Variants in MROH2A observed in about 807,000 individuals in gnomAD.
The protein encoded by MROH2A is maestro heat like repeat family member 2A.
A neutral mutation model predicts 200.4 loss-of-function variants in MROH2A; 174 were observed. The ratio of observed to expected loss-of-function variants is 0.87; its 90% CI spans 0.77 to 0.98. The LOEUF (loss-of-function observed/expected upper bound fraction) is 0.98, where lower values mean the gene tolerates loss of function less well. Among genes scored for constraint, MROH2A ranks in the 50% least tolerant of loss-of-function variants. The pLI is 0.00. For synonymous variants in MROH2A, 829 were observed against 840.4 expected, an observed-to-expected ratio of 0.99 and a Z score of 0.23; for missense variants, 2,045 against 2,139.6, an observed-to-expected ratio of 0.96 and a Z score of 0.87.
At chr2:233,800,079 A>G in intron 13 of MROH2A, 126 bp from the exon 14 acceptor site, 1 of 1,063,028 alleles carries the variant, frequency 9.4e-7, no homozygotes, top group Non-Finnish European at 1.4e-6. Flanking sequence ...ATATATGCAC[A>G]GCTCTGAGCA....
intron 18 of MROH2A, 58 bp downstream of exon 18, chr2:233,804,605 G>T (rs1474522362): frequency 2.0e-6 from 3 of 1,497,924 alleles, no homozygotes; most frequent in Non-Finnish European, 2.7e-6. Flanking sequence ...GGAGCAGATG[G>T]AAAGGCATTT....
chr2:233,783,504 T>C (rs946238657), intron 3 of MROH2A, among the ~76,000 whole-genome samples: 1 of 152,150 alleles, frequency 6.6e-6, no homozygotes, highest in Non-Finnish European at 1.5e-5. Flanking sequence ...TTTGTTGGCA[T>C]GTAGTTGTTT....
At position 233,823,664 on chromosome 2, in the gene MROH2A, C is replaced by T. The variant is rs528474739; in HGVS notation, c.4113C>T (p.Cys1371=). The part of the protein sequence containing the change: ...LSCRISSTAV[C]FMSGPVLYQE... ...GCCGCATCAGCAGCACAGCGGTCTGCGTGGAAATGAGGCACCGGGTGTGGG... is the reference window on the plus strand; with the variant it reads ...GCCGCATCAGCAGCACAGCGGTCTGTGTGGAAATGAGGCACCGGGTGTGGG... Residue 1371 remains cysteine (C), a splice_region_variant and synonymous_variant, in exon 35 of 42, where the codon TGC becomes TGT. Transcript: ENST00000389758. 74 of 1,549,704 alleles carry T rather than the reference C, an allele frequency of 4.8e-5. 1 individual carries two copies. The Middle Eastern group carries it at 6.7e-4, about 14-fold the overall frequency.
chr2:233,810,899 C>G lies in MROH2A; in HGVS notation c.2554C>G (p.Leu852Val). The stretch of plus-strand genomic sequence containing the variant: ...CTTTCACTTTGCCCAGAAGACGACT[C>G]TTACCAGCATTATAGTGGTAAGCTG... ...EDFHFAQKTT[L>V]TSIIVAVIKA... Residue 852 changes from leucine to valine, a missense_variant, in exon 23 of 42, where the codon CTT (leucine) becomes GTT (valine). This residue lies in a region of MROH2A where 1,201 missense variants were observed against 1,311.3 expected (regional missense o/e 0.92). Coordinates refer to ENST00000389758, the MANE Select transcript of MROH2A (RefSeq NM_001394639.1). 6.5e-7 allele frequency: 1 copy of G among 1,550,308 alleles called. No individual in the cohort carries two copies. Among genetic ancestry groups the G allele is most frequent in the Non-Finnish European group, 8.7e-7 (1 of 1,146,782 alleles).
chr2:233,812,020 C>G, intron 24 of MROH2A, 61 bp downstream of exon 24: 1 of 1,138,452 alleles, frequency 8.8e-7, no homozygotes, highest in Non-Finnish European at 1.3e-6. Context: ...AAGACCATTC[C>G]TCGGTGCTCC....
chr2:233,786,061 G>A (rs984373015), intron 3 of MROH2A, among the ~76,000 whole-genome samples: 1 of 152,058 alleles, frequency 6.6e-6, no homozygotes, highest in African/African-American at 2.4e-5. Flanking sequence ...TGTTCTCATA[G>A]TAGTGAATAA....
chr2:233,829,184 G>A (rs1261633587), intron 37 of MROH2A, 112 bp downstream of exon 37: 2 of 1,051,302 alleles, frequency 1.9e-6, no homozygotes, highest in Admixed American at 6.1e-5. Context: ...CCTGCTGGGT[G>A]TCAGTTTAGC....
In MROH2A at chr2:233,803,342, A is replaced by G. The variant is rs1702589802; in HGVS notation, c.1709-106A>G. The G allele has an allele frequency of 9.0e-6, 11 of 1,215,836 alleles. No homozygotes were observed. In the Admixed American group the frequency reaches 1.3e-4, roughly 14 times the overall value. The allele number at this position is 1,215,836 out of a possible 1,614,324, so 75.3% of individuals were successfully genotyped here. A position where few individuals can be genotyped will look rare whatever the true frequency, so the allele number is the denominator to read the frequency against. On this transcript the variant is annotated intron_variant, in intron 15 of 41. Transcript: ENST00000389758. ...TTCTGGGGGTTTGGGGAACAAGATC[A>G]TGTTGGGGAGGAACCTTCTAGGGTA...
chr2:233,787,682 C>T (rs1481778382), intron 3 of MROH2A, among the ~76,000 whole-genome samples: 3 of 42,974 alleles, frequency 7.0e-5, no homozygotes, highest in African/African-American at 1.2e-4. Flanking sequence ...ATTATATATA[C>T]ATATATATTA....
Position 233,792,904 on chromosome 2 carries a change from C to G in MROH2A, c.670+10C>G. On this transcript the variant is annotated intron_variant, in intron 6 of 41. Coordinates refer to ENST00000389758, the MANE Select transcript of MROH2A (RefSeq NM_001394639.1). ...CAGGCGATCTGCAGTGGTGAGTGTC[C>G]CACTTGAGCCTGCAGGTCTGGCTCG... is the stretch of plus-strand genomic sequence containing the variant. The G allele has an allele frequency of 6.5e-7, 1 of 1,550,274 alleles. No individual in the cohort carries two copies. The highest frequency in any genetic ancestry group is 8.7e-7 in the Non-Finnish European group (1 of 1,146,940).
rs1048809646 is a variant in MROH2A, at chr2:233,822,848, GGCAGC to G, written c.3867-29_3867-25del. 3 of 1,548,790 alleles carry G rather than the reference GGCAGC, an allele frequency of 1.9e-6. No individual in the cohort carries two copies. In the African/African-American group the frequency reaches 4.1e-5, roughly 21 times the overall value. On this transcript the variant is annotated intron_variant, in intron 33 of 41. Transcript: ENST00000389758. ...TCCCCAGGCCATGCGCTCCCAGCAG[GGCAGC>G]GCATCACAAGCTCCCACCTCCCTTC...
Position 233,796,324 on chromosome 2 carries a change from C to T in MROH2A, c.1252+11C>T. ...TAGTGAGCGCAGATGGTGAGCAAGG[C>T]AGGGTGGGTGGGGTGGGCGGGGAGG... On this transcript the variant is annotated intron_variant, in intron 11 of 41. Transcript: ENST00000389758. 1 of 23,878 alleles carries T rather than the reference C, an allele frequency of 4.2e-5. No individual in the cohort carries two copies. Among genetic ancestry groups the T allele is most frequent in the Non-Finnish European group, 1.1e-4 (1 of 8,858 alleles). 1.5% of individuals were successfully genotyped at this position (23,878 alleles called of 1,614,324 possible).
At position 233,820,259 on chromosome 2, in the gene MROH2A, C is replaced by T. The variant is rs76833963; in HGVS notation, c.3512+203C>T. Among the ~76,000 whole-genome samples the T allele has an allele frequency of 4.6e-3, 705 of 152,030 alleles. 4 individuals carry two copies. Among genetic ancestry groups the T allele is most frequent in the African/African-American group, 0.016 (662 of 41,544 alleles). ...GACAGAGCCCAGGCTTGTAGAACTT[C>T]GCCACATGGAGCTGGAATCTGGACC... On this transcript the variant is annotated intron_variant, in intron 31 of 41. Transcript: ENST00000389758. This position sits in a 1 kb window ranked among gnomAD's most constrained non-coding sequence, Gnocchi z 4.1.
chr2:233,826,917 T>C (rs642796), intron 35 of MROH2A, among the ~76,000 whole-genome samples: 64,291 of 152,030 alleles, frequency 0.42, 15,848 homozygotes, highest in South Asian at 0.59. Flanking sequence ...GCAAAGGACA[T>C]GAACAGACCC....
intron 21 of MROH2A, 42 bp from the exon 22 acceptor site, chr2:233,809,084 C>T (rs943467006): frequency 3.9e-6 from 6 of 1,525,484 alleles, no homozygotes; most frequent in South Asian, 2.4e-5. Flanking sequence ...CTGGAGCAGC[C>T]CCTGCTGCCC....
chr2:233,814,610 T>C lies in MROH2A; in HGVS notation c.2789T>C (p.Leu930Pro). Residue 930 changes from leucine to proline, a missense_variant, in exon 26 of 42, where the codon CTG becomes CCG. Around this residue, in one of 3 missense-constraint regions of MROH2A, gnomAD observed 1,201 missense variants for 1,311.3 expected, o/e 0.92. Transcript: ENST00000389758. ...KTLYANALSS[L>P]EQLMESLLQR... Reference sequence around the variant, plus strand: ...CTGTATGCAAATGCCCTGAGCTCCCTGGAGCAGCTGATGGAGAGCCTCCTG... The same window carrying C: ...CTGTATGCAAATGCCCTGAGCTCCCCGGAGCAGCTGATGGAGAGCCTCCTG... The C allele has an allele frequency of 6.4e-7, 1 of 1,550,390 alleles. No individual in the cohort carries two copies. The highest frequency in any genetic ancestry group is 8.7e-7 in the Non-Finnish European group (1 of 1,146,904).
At chr2:233,817,786 C>G (rs1322659880) in intron 27 of MROH2A, among the ~76,000 whole-genome samples, 1 of 152,196 alleles carries the variant, frequency 6.6e-6, no homozygotes, top group Admixed American at 6.5e-5. Flanking sequence ...TGATCCAGGG[C>G]CCACAGATCC....
At chr2:233,789,799 C>A in intron 4 of MROH2A, 53 bp from the exon 5 acceptor site, 1 of 1,515,132 alleles carries the variant, frequency 6.6e-7, no homozygotes, top group Non-Finnish European at 8.9e-7. Flanking sequence ...GGAAGGTTTT[C>A]CTGGAGGCCC....
rs1181674272 is a variant in MROH2A, at chr2:233,829,878, G to A, written c.4602+103G>A. 4.5e-6 allele frequency: 5 copies of A among 1,122,092 alleles called. No homozygotes were observed. The African/African-American group carries it at 8.2e-5, about 18-fold the overall frequency. 69.5% of individuals were successfully genotyped at this position (1,122,092 alleles called of 1,614,324 possible). On this transcript the variant is annotated intron_variant, in intron 38 of 41. Coordinates refer to ENST00000389758, the MANE Select transcript of MROH2A (RefSeq NM_001394639.1). ...CTCGGTGAGCTGCAAGCTTTTCTCT[G>A]CCTCAGTTGGTTTTCTCTGAGATCC...
Sources: allele counts gnomAD v4.1 joint callset (sites outside exome capture counted in the v4.1 genomes callset), GRCh38; gene constraint gnomAD v4.1.1; regional missense constraint gnomAD v4.1.1; non-coding constraint Gnocchi (gnomAD v3.1); transcripts MANE v1.5; gene names NCBI Gene and HGNC (gene_info 2026-07-23, HGNC 2026-07-21).